The following ZDHHC17 variants were observed in gnomAD, a reference collection of about 807,000 sequenced individuals.
The protein encoded by ZDHHC17 is palmitoyltransferase ZDHHC17.
ZDHHC17 carries 40 observed loss-of-function variants against 90.3 expected under a neutral mutation model. The observed-to-expected ratio is 0.44, with a 90% CI of 0.34 to 0.58. The LOEUF (loss-of-function observed/expected upper bound fraction) is 0.58, where lower values mean the gene tolerates loss of function less well. Among genes scored for constraint, ZDHHC17 ranks in the 20% least tolerant of loss-of-function variants. The probability of loss-of-function intolerance (pLI) is 0.01; values close to 1 mark genes in which losing one functional copy is unlikely to be tolerated. For synonymous variants in ZDHHC17, 235 were observed against 252.4 expected (o/e 0.93, Z 0.65); for missense variants, 614 against 780.8 (o/e 0.79, Z 2.55).
intron 10 of ZDHHC17, among the ~76,000 whole-genome samples, chr12:76,835,168 A>C (rs1953348883): frequency 6.6e-6 from 1 of 151,176 alleles, no homozygotes; most frequent in Non-Finnish European, 1.5e-5. Context: ...CTCCCACTTC[A>C]GCCTCCTAAG....
intron 14 of ZDHHC17, among the ~76,000 whole-genome samples, chr12:76,847,675 AAGAGAGACCCC>A (rs1953511620): frequency 6.6e-6 from 1 of 152,114 alleles, no homozygotes; most frequent in Non-Finnish European, 1.5e-5. Flanking sequence ...GCAACGTAGG[AAGAGAGACCCC>A]ATCTCTACAA....
At chr12:76,790,189 T>C (rs1010957124) in intron 1 of ZDHHC17, among the ~76,000 whole-genome samples, 1 of 152,052 alleles carries the variant, frequency 6.6e-6, no homozygotes, top group Non-Finnish European at 1.5e-5. Context: ...GAGAAACATA[T>C]GCATATAGGC....
intron 1 of ZDHHC17, chr12:76,768,981 G>A (rs1387485374): frequency 1.0e-5 from 2 of 195,026 alleles, no homozygotes; most frequent in African/African-American, 4.8e-5. Context: ...GATGATTTCT[G>A]TTTGAATATT....
chr12:76,787,415 G>T (rs1467625525), intron 1 of ZDHHC17, among the ~76,000 whole-genome samples: 2 of 152,142 alleles, frequency 1.3e-5, no homozygotes, highest in East Asian at 3.8e-4. Context: ...CATATACAGT[G>T]TTATGCATTC....
intron 7 of ZDHHC17, 47 bp from the exon 8 acceptor site, chr12:76,822,359 C>A: frequency 1.3e-6 from 2 of 1,597,186 alleles, no homozygotes; most frequent in Admixed American, 1.7e-5. Context: ...ACTAAGATAG[C>A]CTGCTTTTAA....
chr12:76,775,917 A>C (rs1455928156), intron 1 of ZDHHC17, among the ~76,000 whole-genome samples: 14 of 152,118 alleles, frequency 9.2e-5, no homozygotes, highest in Non-Finnish European at 5.9e-5. Flanking sequence ...ATCATGAATA[A>C]ATTCTAGACA....
chr12:76,844,275 A>G (rs1010542158), intron 12 of ZDHHC17: 2 of 152,192 alleles, frequency 1.3e-5, no homozygotes, highest in African/African-American at 4.8e-5. Flanking sequence ...TATAAGCCAC[A>G]TACTTCTTGT....
At chr12:76,767,018 CA>C (rs375447750) in intron 1 of ZDHHC17, among the ~76,000 whole-genome samples, 1,345 of 85,798 alleles carry the variant, frequency 0.016, 11 homozygotes, top group African/African-American at 0.04. Flanking sequence ...GATTATGTCT[CA>C]AAAAAAAAAA....
intron 16 of ZDHHC17, among the ~76,000 whole-genome samples, chr12:76,850,451 G>T (rs1452478937): frequency 6.6e-6 from 1 of 152,072 alleles, no homozygotes; most frequent in African/African-American, 2.4e-5. Context: ...AGGCATGTTG[G>T]TGCATGTCTG....
chr12:76,781,625 C>A, intron 1 of ZDHHC17: 1 of 456,054 alleles, frequency 2.2e-6, no homozygotes, highest in South Asian at 1.5e-5. Context: ...GATGATGCAG[C>A]AAGAATGGCC....
chr12:76,831,845 C>T (rs1226315003), intron 10 of ZDHHC17, among the ~76,000 whole-genome samples: 1 of 152,054 alleles, frequency 6.6e-6, no homozygotes, highest in Non-Finnish European at 1.5e-5. Flanking sequence ...TGAGTTTTGC[C>T]ATGTTGCCCA....
At chr12:76,850,777 T>A in intron 16 of ZDHHC17, 70 bp from the exon 17 acceptor site, 2 of 1,532,450 alleles carry the variant, frequency 1.3e-6, no homozygotes, top group Non-Finnish European at 1.8e-6. Context: ...AACACGAAAA[T>A]TATATTGAAT....
At chr12:76,797,778 A>T (rs557367676) in intron 2 of ZDHHC17, among the ~76,000 whole-genome samples, 137 of 152,194 alleles carry the variant, frequency 9.0e-4, no homozygotes, top group African/African-American at 3.1e-3. Flanking sequence ...CCCCGTCTCT[A>T]CTAAAAATAC....
intron 3 of ZDHHC17, among the ~76,000 whole-genome samples, chr12:76,808,211 T>C (rs1158820367): frequency 1.3e-5 from 2 of 152,220 alleles, no homozygotes; most frequent in East Asian, 3.8e-4. Context: ...TTTAAGAGTA[T>C]ACATATGTCA....
chr12:76,781,715 C>A (rs949750771), intron 1 of ZDHHC17: 2 of 455,484 alleles, frequency 4.4e-6, no homozygotes, highest in South Asian at 3.1e-5. Context: ...TTATAAATTA[C>A]CCAGTCACTA....
At chr12:76,826,419 T>C (rs1438699627) in intron 8 of ZDHHC17, among the ~76,000 whole-genome samples, 2 of 152,170 alleles carry the variant, frequency 1.3e-5, no homozygotes, top group African/African-American at 4.8e-5. Flanking sequence ...GCCTATGGAT[T>C]GTTTGCTTTT....
chr12:76,799,942 T>G (rs1345008893), intron 2 of ZDHHC17, among the ~76,000 whole-genome samples: 7 of 152,236 alleles, frequency 4.6e-5, no homozygotes, highest in Non-Finnish European at 8.8e-5. Context: ...TGTTTGTTTA[T>G]GTTTCATATA....
intron 16 of ZDHHC17, among the ~76,000 whole-genome samples, chr12:76,850,290 T>C (rs948965355): frequency 7.2e-5 from 11 of 152,218 alleles, no homozygotes; most frequent in Non-Finnish European, 1.0e-4. Flanking sequence ...CCTTGACATT[T>C]CTTTTTTAAG....
At chr12:76,801,911 A>T (rs1256080690) in intron 2 of ZDHHC17, among the ~76,000 whole-genome samples, 1 of 152,230 alleles carries the variant, frequency 6.6e-6, no homozygotes, top group Admixed American at 6.5e-5. Flanking sequence ...AAATTACAAT[A>T]ATACTAGTGC....
Sources: gnomAD v4.1 joint callset for allele counts (sites outside exome capture counted in the v4.1 genomes callset) on GRCh38, gnomAD v4.1.1 for gene constraint, MANE v1.5 for transcripts, NCBI Gene and HGNC (gene_info 2026-07-23, HGNC 2026-07-21) for gene names.